STAMBP: variants seen among roughly 807,000 people sequenced by gnomAD.
The protein encoded by STAMBP is STAM-binding protein.
In STAMBP, 31 loss-of-function variants were observed where a neutral mutation model predicts 50.7. The ratio of observed to expected loss-of-function variants is 0.61; its 90% CI spans 0.46 to 0.83. The LOEUF is 0.83. STAMBP is among the 40% of genes least tolerant of loss of function. The pLI, the probability that STAMBP is intolerant of heterozygous loss-of-function variation, is 0.00. For missense variants in STAMBP, 472 were observed against 518.9 expected, an observed-to-expected ratio of 0.91 and a Z score of 0.88; for synonymous variants, 211 against 192.4, an observed-to-expected ratio of 1.10 and a Z score of -0.80.
At chr2:73,844,020 C>T (rs903911134) in intron 2 of STAMBP, among the ~76,000 whole-genome samples, 4 of 152,188 alleles carry the variant, frequency 2.6e-5, no homozygotes, top group African/African-American at 7.2e-5. Flanking sequence ...CCAGCCTGCT[C>T]ATACTGAAAT....
chr2:73,873,087 G>A (rs569328461), intron 10 of STAMBP, among the ~76,000 whole-genome samples: 3 of 152,214 alleles, frequency 2.0e-5, no homozygotes, highest in African/African-American at 4.8e-5. Flanking sequence ...AGGCAACATA[G>A]TCCAGCTGAG....
At position 73,851,023 on chromosome 2, in the gene STAMBP, G is replaced by C. The variant is rs568214855; in HGVS notation, c.1005+510G>C. Among the ~76,000 whole-genome samples the C allele has an allele frequency of 2.7e-4, 41 of 152,226 alleles. 1 individual carries two copies. The South Asian group carries it at 7.7e-3, about 29-fold the overall frequency. The stretch of plus-strand genomic sequence containing the variant: ...TTGTGCAGCCTTCTGGTAATGTTCA[G>C]GTAAAATATAATGCCTTCCCTAAAG... On this transcript the variant is annotated intron_variant, in intron 7 of 9. Coordinates refer to ENST00000394070, the MANE Select transcript of STAMBP (RefSeq NM_213622.4).
chr2:73,839,565 G>A (rs948527528), intron 2 of STAMBP, among the ~76,000 whole-genome samples: 1 of 152,222 alleles, frequency 6.6e-6, no homozygotes, highest in African/African-American at 2.4e-5. Flanking sequence ...TGGAAGAATC[G>A]AGATGAGGAT....
At position 73,844,866 on chromosome 2, in the gene STAMBP, C is replaced by T. The variant is rs1430174225; in HGVS notation, c.257C>T (p.Pro86Leu). 1 of 1,613,972 alleles carries T rather than the reference C, an allele frequency of 6.2e-7. No individual in the cohort carries two copies. Among genetic ancestry groups the T allele is most frequent in the Admixed American group, 1.7e-5 (1 of 60,016 alleles). Residue 86 changes from proline to leucine, a missense_variant, in exon 3 of 10, where the codon CCT (proline) becomes CTT (leucine). Transcript: ENST00000394070. ...KHRDYKSAVI[P>L]EKKDTVKKLK... ...CGAGATTACAAATCTGCTGTCATTC[C>T]TGAAAAGAAAGACACAGTAAAGGTG...
In STAMBP at chr2:73,850,317, G is replaced by A; in HGVS notation, c.868-59G>A. Reference sequence around the variant, plus strand: ...CTTACCTTTCCACTGTCGGGATGGAGTGGAGCAGGGTTGCATGAGCACCAG... The same window carrying A: ...CTTACCTTTCCACTGTCGGGATGGAATGGAGCAGGGTTGCATGAGCACCAG... On this transcript the variant is annotated intron_variant, in intron 6 of 9. Transcript: ENST00000394070. This position sits in a 1 kb window ranked among gnomAD's most constrained non-coding sequence, Gnocchi z 4.3. 6.4e-7 allele frequency: 1 copy of A among 1,554,640 alleles called. No homozygotes were observed.
intron 2 of STAMBP, among the ~76,000 whole-genome samples, chr2:73,836,180 C>T (rs1449362736): frequency 6.6e-6 from 1 of 152,230 alleles, no homozygotes; most frequent in East Asian, 1.9e-4. Context: ...TCTACAGGTA[C>T]ATTCTTTCCA....
chr2:73,843,191 C>CTTTTTTTTTTTTTTTTTTTTATTTTTTT (rs34680117), intron 2 of STAMBP, among the ~76,000 whole-genome samples: 1 of 129,892 alleles, frequency 7.7e-6, no homozygotes, highest in Non-Finnish European at 1.6e-5. Flanking sequence ...TTATATCTTT[C>CTTTTTTTTTTTTTTTTTTTTATTTTTTT]TTTTTTTTTT....
intron 2 of STAMBP, among the ~76,000 whole-genome samples, chr2:73,838,909 AC>A (rs1675039688): frequency 1.3e-5 from 2 of 152,032 alleles, no homozygotes; most frequent in South Asian, 4.1e-4. Flanking sequence ...GATTCTGTGA[AC>A]AGAAAATCAC....
rs1006072205 is a variant in STAMBP, at chr2:73,832,108, T to TATATATATATATATATATATACACAC, written c.203+1050_203+1051insTATATATATATATATATATACACACA. On this transcript the variant is annotated intron_variant, in intron 2 of 9. Transcript: ENST00000394070. ...ACATATATATATATATATATATATATACACATATATATGGTGCACAATTCA... is the reference window on the plus strand; with the variant it reads ...ACATATATATATATATATATATATATATATATATATATATATATATACACACACACATATATATGGTGCACAATTCA... Among the ~76,000 whole-genome samples the TATATATATATATATATATATACACAC allele has an allele frequency of 2.1e-3, 261 of 122,694 alleles. 5 individuals carry two copies. The highest frequency in any genetic ancestry group is 8.4e-3 in the African/African-American group (239 of 28,362). 80.5% of individuals were successfully genotyped at this position (122,694 alleles called of 152,430 possible).
chr2:73,850,564 G>A lies in STAMBP; in HGVS notation c.1005+51G>A. The A allele has an allele frequency of 6.4e-7, 1 of 1,562,052 alleles. No individual in the cohort carries two copies. On this transcript the variant is annotated intron_variant, in intron 7 of 9. Coordinates refer to ENST00000394070, the MANE Select transcript of STAMBP (RefSeq NM_213622.4). This position sits in a 1 kb window ranked among gnomAD's most constrained non-coding sequence, Gnocchi z 4.3. ...GTTAGTCTCTGCCTCTCCCATGGTG[G>A]TATAAATACATGAGTGTTTCTTTGA...
intron 2 of STAMBP, among the ~76,000 whole-genome samples, chr2:73,831,812 C>A (rs1027472746): frequency 6.6e-6 from 1 of 152,044 alleles, no homozygotes; most frequent in Non-Finnish European, 1.5e-5. Context: ...ATTTGATCTT[C>A]ACAGTTCTGT....
rs1330896490 is a variant in STAMBP, at chr2:73,847,676, A to G, written c.665A>G (p.His222Arg). The change falls in exon 5 of 10, where the codon CAC (histidine) becomes CGC (arginine). Residue 222 changes from histidine to arginine, a missense_variant. By Grantham distance (29) the His-to-Arg change is conservative. Coordinates refer to ENST00000394070, the MANE Select transcript of STAMBP (RefSeq NM_213622.4). ...TVSSIQPSDCHTTVRPAKPPV... is the reference protein window; with the variant it reads ...TVSSIQPSDCRTTVRPAKPPV... ...TCATCCATACAGCCTTCAGACTGTC[A>G]CACAACTGTAAGGCCAGCTAAGCCA... 1.9e-6 allele frequency: 3 copies of G among 1,614,204 alleles called. No homozygotes were observed. The South Asian group carries it at 3.3e-5, about 18-fold the overall frequency.
chr2:73,857,145 G>A (rs1677650140), intron 7 of STAMBP, among the ~76,000 whole-genome samples: 1 of 152,156 alleles, frequency 6.6e-6, no homozygotes, highest in African/African-American at 2.4e-5. Context: ...TAACACTGTG[G>A]AACAGTATCT....
chr2:73,833,871 A>G (rs900024916), intron 2 of STAMBP, among the ~76,000 whole-genome samples: 18 of 151,842 alleles, frequency 1.2e-4, no homozygotes, highest in Admixed American at 1.2e-3. Flanking sequence ...AATACAGCTG[A>G]CCCCTGAACA....
rs560358718 is a variant in STAMBP at position 73,850,545 on chromosome 2, C to T, written c.1005+32C>T. On this transcript the variant is annotated intron_variant, in intron 7 of 9. Coordinates refer to ENST00000394070, the MANE Select transcript of STAMBP (RefSeq NM_213622.4). This position sits in a 1 kb window ranked among gnomAD's most constrained non-coding sequence, Gnocchi z 4.3. ...AATTCTGAGCTGTCCGAGAGTTAGT[C>T]TCTGCCTCTCCCATGGTGGTATAAA... 1.3e-6 allele frequency: 2 copies of T among 1,596,984 alleles called. No homozygotes were observed. The highest frequency in any genetic ancestry group is 8.5e-7 in the Non-Finnish European group (1 of 1,171,478).
chr2:73,859,479 T>A (rs1678021103), intron 8 of STAMBP, 113 bp downstream of exon 8: 2 of 811,888 alleles, frequency 2.5e-6, no homozygotes, highest in African/African-American at 1.7e-5. Flanking sequence ...ACATAGATTA[T>A]AATGTAAGTT....
At chr2:73,845,319 G>C in intron 4 of STAMBP, 57 bp downstream of exon 4, 1 of 1,191,938 alleles carries the variant, frequency 8.4e-7, no homozygotes. Flanking sequence ...TGTGCCCTGG[G>C]ATTGTAATAT....
chr2:73,846,766 G>A (rs930479684), intron 4 of STAMBP, among the ~76,000 whole-genome samples: 1 of 152,090 alleles, frequency 6.6e-6, no homozygotes, highest in Non-Finnish European at 1.5e-5. Context: ...TACAGGTTAG[G>A]AGAACACAGA....
chr2:73,859,803 T>G (rs1208879906), intron 8 of STAMBP, among the ~76,000 whole-genome samples: 2 of 152,176 alleles, frequency 1.3e-5, no homozygotes, highest in Non-Finnish European at 2.9e-5. Flanking sequence ...AAATCCTGTC[T>G]CTACTCCCAC....
Sources: gnomAD v4.1 joint callset for allele counts (sites outside exome capture counted in the v4.1 genomes callset) on GRCh38, gnomAD v4.1.1 for gene constraint, Gnocchi (gnomAD v3.1) non-coding constraint, MANE v1.5 for transcripts, NCBI Gene and HGNC (gene_info 2026-07-23, HGNC 2026-07-21) for gene names.